Variants in TRPM3 observed in about 807,000 individuals in gnomAD.
The protein encoded by TRPM3 is transient receptor potential cation channel subfamily M member 3.
TRPM3 carries 77 observed loss-of-function variants against 181.2 expected under a neutral mutation model. That is an observed-to-expected ratio of 0.42 (90% CI 0.35 to 0.51). TRPM3 has a LOEUF of 0.51. Among genes scored for constraint, TRPM3 ranks in the 20% least tolerant of loss-of-function variants. The pLI is 0.01. For missense variants in TRPM3, 1,759 were observed against 2,196.7 expected, an observed-to-expected ratio of 0.80 and a Z score of 3.98; for synonymous variants, 745 against 796.4, an observed-to-expected ratio of 0.94 and a Z score of 1.09.
intron 1 of TRPM3, among the ~76,000 whole-genome samples, chr9:70,966,665 C>G (rs1275222418): frequency 6.6e-6 from 1 of 152,114 alleles, no homozygotes; most frequent in Non-Finnish European, 1.5e-5. Context: ...ACCGCGTGTT[C>G]TCACTTATAA....
intron 8 of TRPM3, among the ~76,000 whole-genome samples, chr9:70,694,288 CA>C (rs922956397): frequency 4.0e-5 from 6 of 151,396 alleles, no homozygotes; most frequent in African/African-American, 1.5e-4. Flanking sequence ...TTACCATCTG[CA>C]AAAAAAATAA....
intron 9 of TRPM3, among the ~76,000 whole-genome samples, chr9:70,675,624 T>C (rs2134150191): frequency 1.3e-5 from 2 of 152,338 alleles, no homozygotes; most frequent in Middle Eastern, 6.8e-3. Flanking sequence ...TTTTTTTAGT[T>C]CCACATTCAT....
intron 1 of TRPM3, among the ~76,000 whole-genome samples, chr9:70,947,433 A>T (rs1256443873): frequency 1.3e-5 from 2 of 152,214 alleles, no homozygotes; most frequent in Admixed American, 1.3e-4. Context: ...AAATATAAGT[A>T]CTAATTTAGA....
chr9:70,797,877 C>G (rs898572038), intron 6 of TRPM3, among the ~76,000 whole-genome samples: 1 of 152,152 alleles, frequency 6.6e-6, no homozygotes, highest in Non-Finnish European at 1.5e-5. Context: ...TGAAGACTCA[C>G]CGTGGGATTC....
chr9:71,129,558 A>G (rs1364930774), intron 1 of TRPM3, among the ~76,000 whole-genome samples: 1 of 152,236 alleles, frequency 6.6e-6, no homozygotes, highest in Non-Finnish European at 1.5e-5. Context: ...AGATGAGGAA[A>G]TAGCCTCAGA....
At chr9:71,005,986 C>T (rs1216819557) in intron 1 of TRPM3, among the ~76,000 whole-genome samples, 2 of 152,000 alleles carry the variant, frequency 1.3e-5, no homozygotes, top group Non-Finnish European at 2.9e-5. Context: ...AGAAGATAGG[C>T]AATATAAAAT....
Position 70,639,239 on chromosome 9 carries a change from T to C in TRPM3, c.1447-45A>G, listed in dbSNP as rs549058190. 3.1e-6 allele frequency: 5 copies of C among 1,605,428 alleles called. No homozygotes were observed. In the Admixed American group the frequency reaches 5.1e-5, roughly 16 times the overall value. On this transcript the variant is annotated intron_variant, in intron 10 of 25. Transcript: ENST00000677713. ...GTTAGTCTGCCCCAGGGTCTATCTATGGATGCAGTTCTTTAGTGTTCACTT... is the reference window on the plus strand; with the variant it reads ...GTTAGTCTGCCCCAGGGTCTATCTACGGATGCAGTTCTTTAGTGTTCACTT...
At chr9:71,217,421 G>A (rs2131832973) in intron 1 of TRPM3, among the ~76,000 whole-genome samples, 1 of 152,290 alleles carries the variant, frequency 6.6e-6, no homozygotes, top group African/African-American at 2.4e-5. Flanking sequence ...ATGAAGGGAT[G>A]TTTAGTGTTT....
At chr9:70,830,705 A>T (rs2093835468) in intron 5 of TRPM3, among the ~76,000 whole-genome samples, 1 of 152,226 alleles carries the variant, frequency 6.6e-6, no homozygotes, top group African/African-American at 2.4e-5. Flanking sequence ...AATTTGTTTG[A>T]ATCTCAGTTT....
At chr9:70,924,704 A>G (rs1057034999) in intron 1 of TRPM3, among the ~76,000 whole-genome samples, 1 of 152,134 alleles carries the variant, frequency 6.6e-6, no homozygotes, top group African/African-American at 2.4e-5. Flanking sequence ...TTTTTGCGCT[A>G]AGCTAAAATT....
At chr9:70,615,602 C>T (rs1382112678) in intron 18 of TRPM3, among the ~76,000 whole-genome samples, 2 of 152,204 alleles carry the variant, frequency 1.3e-5, no homozygotes. Flanking sequence ...GACACATCAT[C>T]TGGTTGTTTA....
At chr9:71,415,489 T>A (rs185026702) in intron 1 of TRPM3, among the ~76,000 whole-genome samples, 26 of 152,148 alleles carry the variant, frequency 1.7e-4, no homozygotes, top group Admixed American at 1.2e-3. Context: ...AGAGAACAAC[T>A]TTTTTTCATA....
chr9:71,033,180 A>G (rs1391251740), intron 1 of TRPM3, among the ~76,000 whole-genome samples: 1 of 152,224 alleles, frequency 6.6e-6, no homozygotes, highest in Non-Finnish European at 1.5e-5. Flanking sequence ...GCAAAAGGAA[A>G]TGTGGTACTT....
At chr9:70,749,103 T>A (rs1345745060) in intron 8 of TRPM3, among the ~76,000 whole-genome samples, 3 of 151,948 alleles carry the variant, frequency 2.0e-5, no homozygotes. Context: ...TGGGCTCAAG[T>A]GATCCACACT....
chr9:71,128,882 T>A (rs931881516), intron 1 of TRPM3, among the ~76,000 whole-genome samples: 2 of 152,122 alleles, frequency 1.3e-5, no homozygotes, highest in African/African-American at 4.8e-5. Flanking sequence ...ATATACCTTC[T>A]CAAGCACCTT....
At chr9:70,549,402 C>T (rs1334883934) in intron 25 of TRPM3, 140 bp downstream of exon 25, 2 of 1,113,564 alleles carry the variant, frequency 1.8e-6, no homozygotes, top group Non-Finnish European at 2.5e-6. Flanking sequence ...ATGTTCTGTT[C>T]TCTCATAAGC....
At chr9:70,752,049 T>TGC (rs367694647) in intron 8 of TRPM3, among the ~76,000 whole-genome samples, 1,336 of 116,374 alleles carry the variant, frequency 0.011, 21 homozygotes, top group African/African-American at 0.024. Flanking sequence ...TGTGTGTGTG[T>TGC]GCGCGCGCGC....
chr9:70,571,035 CCCTGA>C (rs1373373513), intron 22 of TRPM3, among the ~76,000 whole-genome samples: 3 of 152,118 alleles, frequency 2.0e-5, no homozygotes, highest in Non-Finnish European at 2.9e-5. Context: ...GAAAATGTCT[CCCTGA>C]TGTATCTTAC....
intron 1 of TRPM3, among the ~76,000 whole-genome samples, chr9:70,867,293 C>G (rs117078341): frequency 6.6e-6 from 1 of 152,036 alleles, no homozygotes; most frequent in Non-Finnish European, 1.5e-5. Context: ...GCTGCAAAGA[C>G]AAATGGATGA....
Sources: allele counts gnomAD v4.1 joint callset (sites outside exome capture counted in the v4.1 genomes callset), GRCh38; gene constraint gnomAD v4.1.1; transcripts MANE v1.5; gene names NCBI Gene and HGNC (gene_info 2026-07-23, HGNC 2026-07-21).